DSC3: variants seen among roughly 807,000 people sequenced by gnomAD.
DSC3 encodes desmocollin-3.
A neutral mutation model predicts 89.5 loss-of-function variants in DSC3; 97 were observed. The observed-to-expected ratio is 1.08, with a 90% CI of 0.92 to 1.28. DSC3 has a LOEUF of 1.28. DSC3 is among the 50% of genes most tolerant of loss of function. The pLI, the probability that DSC3 is intolerant of heterozygous loss-of-function variation, is 0.00. For missense variants in DSC3, 1,199 were observed against 1,085.3 expected (o/e 1.10, Z -1.47); for synonymous variants, 436 against 384.1 (o/e 1.14, Z -1.58).
intron 1 of DSC3, among the ~76,000 whole-genome samples, chr18:31,038,949 G>C (rs1346089425): frequency 6.6e-6 from 1 of 151,950 alleles, no homozygotes; most frequent in Non-Finnish European, 1.5e-5. Context: ...AAACTATGAA[G>C]TCATTTGATA....
chr18:30,999,935 G>A (rs1030989407), intron 14 of DSC3, among the ~76,000 whole-genome samples: 3 of 152,076 alleles, frequency 2.0e-5, no homozygotes, highest in African/African-American at 7.2e-5. Context: ...AATATCATCA[G>A]CTCTAGCATT....
chr18:31,020,512 A>T (rs1204765155), intron 7 of DSC3, among the ~76,000 whole-genome samples: 3 of 152,180 alleles, frequency 2.0e-5, no homozygotes, highest in African/African-American at 7.2e-5. Context: ...TTGTGGTACA[A>T]TCATCTTTGT....
intron 15 of DSC3, among the ~76,000 whole-genome samples, chr18:30,995,997 A>AAAAAAAAAAG (rs1984448589): frequency 8.5e-6 from 1 of 117,584 alleles, no homozygotes; most frequent in Admixed American, 9.4e-5. Context: ...AAAAAAAAAA[A>AAAAAAAAAAG]AAGAAAAGAA....
intron 6 of DSC3, 77 bp downstream of exon 6, chr18:31,024,272 A>G (rs1270927766): frequency 7.2e-7 from 1 of 1,395,816 alleles, no homozygotes; most frequent in Admixed American, 2.5e-5. Flanking sequence ...GGCCTTGAGT[A>G]TAAAAAGCTC....
At position 30,996,976 on chromosome 18, in the gene DSC3, C is replaced by T; in HGVS notation, c.2308G>A (p.Gly770Arg). The stretch of plus-strand genomic sequence containing the variant: ...GTTTCCTGCCCTCCATTTTTCATTC[C>T]TGATCCCATAGTACCACAAAAACCT... ...SQGFCGTMGS[G>R]MKNGGQETIE... The change falls in exon 15 of 16, where the codon GGA becomes AGA. Residue 770 changes from glycine to arginine, a missense_variant. Physicochemically the swap from Gly to Arg is moderately radical, Grantham distance 125. Coordinates refer to ENST00000360428, the MANE Select transcript of DSC3 (RefSeq NM_001941.5). 2 of 1,614,104 alleles carry T rather than the reference C, an allele frequency of 1.2e-6. No homozygotes were observed.
chr18:31,008,211 T>C, intron 10 of DSC3, 53 bp from the exon 11 acceptor site: 1 of 1,609,634 alleles, frequency 6.2e-7, no homozygotes, highest in Non-Finnish European at 8.5e-7. Context: ...TTCAAATAAG[T>C]TACTATCTCA....
At chr18:31,017,875 G>C (rs1023396692) in intron 9 of DSC3, among the ~76,000 whole-genome samples, 196 bp downstream of exon 9, 13 of 152,112 alleles carry the variant, frequency 8.5e-5, no homozygotes, top group African/African-American at 3.1e-4. Context: ...GAATGTTCAA[G>C]CAGAAGCTAG....
intron 15 of DSC3, 52 bp downstream of exon 15, chr18:30,996,728 ATTGTCTATTTT>A: frequency 6.3e-7 from 1 of 1,592,618 alleles, no homozygotes; most frequent in Non-Finnish European, 8.6e-7. Context: ...GTTAATTTGA[ATTGTCTATTTT>A]TCTCCATTCG....
At chr18:31,000,623 T>G (rs1984620079) in intron 14 of DSC3, among the ~76,000 whole-genome samples, 1 of 152,228 alleles carries the variant, frequency 6.6e-6, no homozygotes, top group Non-Finnish European at 1.5e-5. Context: ...TTTCTTCTAT[T>G]CTAAATCAAT....
intron 1 of DSC3, among the ~76,000 whole-genome samples, chr18:31,038,674 C>T (rs1376186819): frequency 6.6e-6 from 1 of 151,798 alleles, no homozygotes; most frequent in African/African-American, 2.4e-5. Context: ...AAAAAATGTT[C>T]TTCATAAAAT....
chr18:31,027,052 T>A (rs767179650), intron 4 of DSC3, among the ~76,000 whole-genome samples: 12 of 152,112 alleles, frequency 7.9e-5, no homozygotes, highest in Non-Finnish European at 1.6e-4. Context: ...GTAATTGGGA[T>A]CTCAATAAAA....
At chr18:31,025,333 A>G (rs149456309) in intron 5 of DSC3, among the ~76,000 whole-genome samples, 356 of 152,218 alleles carry the variant, frequency 2.3e-3, no homozygotes, top group Middle Eastern at 0.014. Flanking sequence ...CTCAGATGTG[A>G]TCAAATAATC....
chr18:31,018,309 T>C, intron 8 of DSC3, 53 bp from the exon 9 acceptor site: 1 of 1,444,876 alleles, frequency 6.9e-7, no homozygotes, highest in East Asian at 2.4e-5. Context: ...TAGACAACTT[T>C]AAAAAAAAGT....
intron 7 of DSC3, among the ~76,000 whole-genome samples, chr18:31,020,149 C>T (rs1247218656): frequency 6.6e-6 from 1 of 151,968 alleles, no homozygotes; most frequent in African/African-American, 2.4e-5. Flanking sequence ...GGATATATGG[C>T]CTCATATGTA....
At chr18:31,030,331 A>G (rs909945785) in intron 3 of DSC3, among the ~76,000 whole-genome samples, 1 of 152,208 alleles carries the variant, frequency 6.6e-6, no homozygotes, top group East Asian at 1.9e-4. Flanking sequence ...GAATTAATTA[A>G]TAATTGCATT....
chr18:31,024,235 T>A, intron 6 of DSC3, 114 bp downstream of exon 6: 1 of 978,330 alleles, frequency 1.0e-6, no homozygotes, highest in Non-Finnish European at 1.4e-6. Flanking sequence ...AAGTAGATTC[T>A]AGTTCAGCGT....
intron 7 of DSC3, 89 bp from the exon 8 acceptor site, chr18:31,018,889 TAC>T (rs1985325542): frequency 1.7e-6 from 2 of 1,168,760 alleles, no homozygotes; most frequent in East Asian, 5.2e-5. Context: ...CTCACTCACA[TAC>T]ACACACATCT....
At chr18:30,999,634 T>C (rs1984587345) in intron 14 of DSC3, among the ~76,000 whole-genome samples, 2 of 152,174 alleles carry the variant, frequency 1.3e-5, no homozygotes, top group Admixed American at 6.5e-5. Context: ...TCCTCCTCCA[T>C]CCACATTTCC....
Position 31,004,227 on chromosome 18 carries a change from C to T in DSC3, c.2028G>A (p.Gln676=), listed in dbSNP as rs762382327. The stretch of plus-strand genomic sequence containing the variant: ...CTGTACTCCTTGAAGTCGCACGACA[C>T]TGAGTTGGATGAGTACATTCACACA... ...VNLCECTHPT[Q]CRATSRSTGV... The change falls in exon 13 of 16, where the codon CAG becomes CAA. Residue 676 remains glutamine (Q), a synonymous_variant. Coordinates refer to ENST00000360428, the MANE Select transcript of DSC3 (RefSeq NM_001941.5). 1.7e-5 allele frequency: 28 copies of T among 1,613,990 alleles called. 1 individual carries two copies. The South Asian group carries it at 3.1e-4, about 18-fold the overall frequency.
Sources: allele counts gnomAD v4.1 joint callset (sites outside exome capture counted in the v4.1 genomes callset), GRCh38; gene constraint gnomAD v4.1.1; transcripts MANE v1.5; gene names NCBI Gene and HGNC (gene_info 2026-07-23, HGNC 2026-07-21).